ATAT1: variants seen among roughly 807,000 people sequenced by gnomAD.
ATAT1 encodes alpha-tubulin N-acetyltransferase 1.
In ATAT1, 42 loss-of-function variants were observed where a neutral mutation model predicts 57.2. The observed-to-expected ratio is 0.73, with a 90% CI of 0.57 to 0.95. The LOEUF is 0.95. ATAT1 is among the 40% of genes least tolerant of loss of function. ATAT1 has a pLI of 0.00. For missense variants in ATAT1, 454 were observed against 523.7 expected, an observed-to-expected ratio of 0.87 and a Z score of 1.30; for synonymous variants, 168 against 187.1, an observed-to-expected ratio of 0.90 and a Z score of 0.83.
intron 6 of ATAT1, among the ~76,000 whole-genome samples, chr6:30,637,759 C>T (rs994903941): frequency 6.6e-6 from 1 of 151,396 alleles, no homozygotes; most frequent in Non-Finnish European, 1.5e-5. Context: ...GGGCGGATCA[C>T]GAGGTCAAGA....
rs1255424345 is a variant in ATAT1, at chr6:30,639,498, A to G, written c.502-879A>G. Among the ~76,000 whole-genome samples the G allele has an allele frequency of 4.3e-5, 6 of 140,908 alleles. No individual in the cohort carries two copies. The Admixed American group carries it at 4.4e-4, about 10-fold the overall frequency. The allele number at this position is 140,908 out of a possible 152,430, so 92.4% of individuals were successfully genotyped here. ...TTCTTTCTTTTTTTTTTTTTTTGAG[A>G]CGGAGTCTTGCTCCATCGCCCAGGC... On this transcript the variant is annotated intron_variant, in intron 6 of 12. Coordinates refer to ENST00000330083, the MANE Select transcript of ATAT1 (RefSeq NM_001031722.4).
chr6:30,640,763 A>C lies in ATAT1; in HGVS notation c.616+160A>C, dbSNP rs1765244388. On this transcript the variant is annotated intron_variant, in intron 8 of 12. Coordinates refer to ENST00000330083, the MANE Select transcript of ATAT1 (RefSeq NM_001031722.4). ...TTTGCCTTTGCCCTCATGGGAGCTC[A>C]GTGCATTTTATATTTGGCAAGACTT... 5 of 739,588 alleles carry C rather than the reference A, an allele frequency of 6.8e-6. No homozygotes were observed. In the Admixed American group the frequency reaches 1.1e-4, roughly 17 times the overall value. The allele number at this position is 739,588 out of a possible 1,614,324, so 45.8% of individuals were successfully genotyped here. A position where few individuals can be genotyped will look rare whatever the true frequency, so the allele number is the denominator to read the frequency against.
At chr6:30,637,558 C>T (rs1015296621) in intron 6 of ATAT1, among the ~76,000 whole-genome samples, 7 of 151,868 alleles carry the variant, frequency 4.6e-5, no homozygotes, top group Non-Finnish European at 7.4e-5. Flanking sequence ...TGGCATGTGC[C>T]TGTAATCCCA....
intron 10 of ATAT1, chr6:30,643,235 A>G: frequency 7.0e-7 from 1 of 1,420,080 alleles, no homozygotes; most frequent in Non-Finnish European, 9.2e-7. Context: ...CCTGGCTTTA[A>G]TGTGAGAGTT....
chr6:30,627,170 T>C lies in ATAT1; in HGVS notation c.-34T>C, dbSNP rs771953929. 6.2e-7 allele frequency: 1 copy of C among 1,613,368 alleles called. No homozygotes were observed. Among genetic ancestry groups the C allele is most frequent in the South Asian group, 1.1e-5 (1 of 90,976 alleles). ...TTGATCAGCGCTTGGATCTGTGACCTTTCACCCCGGGCCCAAAATGTCCCA... is the reference window on the plus strand; with the variant it reads ...TTGATCAGCGCTTGGATCTGTGACCCTTCACCCCGGGCCCAAAATGTCCCA... On this transcript the variant is annotated 5_prime_UTR_variant, in exon 1 of 13. Coordinates refer to ENST00000330083, the MANE Select transcript of ATAT1 (RefSeq NM_001031722.4).
At chr6:30,642,387 A>C in intron 9 of ATAT1, 140 bp downstream of exon 9, 4 of 1,222,946 alleles carry the variant, frequency 3.3e-6, no homozygotes, top group Non-Finnish European at 4.6e-6. Context: ...TCATGCCTGT[A>C]ATCCCAGCAC....
Position 30,642,833 on chromosome 6 carries a change from G to GGGGGGGGCGCC in ATAT1, c.754_755insGGGGGGGCGCC (p.Ala252GlyfsTer71). 14 of 1,537,844 alleles carry GGGGGGGGCGCC rather than the reference G, an allele frequency of 9.1e-6. No individual in the cohort carries two copies. Among genetic ancestry groups the GGGGGGGGCGCC allele is most frequent in the Non-Finnish European group, 1.1e-5 (13 of 1,145,756 alleles). On this transcript the variant is annotated frameshift_variant, in exon 10 of 13. Coordinates refer to ENST00000330083, the MANE Select transcript of ATAT1 (RefSeq NM_001031722.4). LOFTEE classifies it high-confidence loss of function. The stretch of plus-strand genomic sequence containing the variant: ...GGCCCCTCGCCGCGCCACACCTCCA[G>GGGGGGGGCGCC]CCCACCCACCCCCCCGCTCCAGCAG...
chr6:30,636,188 AT>A (rs1161088927), intron 6 of ATAT1, among the ~76,000 whole-genome samples: 3 of 152,182 alleles, frequency 2.0e-5, no homozygotes, highest in Non-Finnish European at 4.4e-5. Flanking sequence ...GTAAAGAAAG[AT>A]GACATGTCTA....
At chr6:30,635,798 G>T (rs1470938667) in intron 6 of ATAT1, among the ~76,000 whole-genome samples, 5 of 152,102 alleles carry the variant, frequency 3.3e-5, no homozygotes, top group Admixed American at 6.6e-5. Context: ...TTGGAAGCCT[G>T]GATGCAGTGG....
intron 6 of ATAT1, among the ~76,000 whole-genome samples, chr6:30,638,036 G>C (rs1452779373): frequency 6.6e-6 from 1 of 152,036 alleles, no homozygotes; most frequent in Non-Finnish European, 1.5e-5. Flanking sequence ...CACCACTATG[G>C]CTGGCTGATT....
At position 30,646,638 on chromosome 6, in the gene ATAT1, T is replaced by A. The variant is rs1455464057; in HGVS notation, c.1225T>A (p.Trp409Arg). ...GCAGGAACGTCGCAGCACCAGGCCT[T>A]GGTGACCGCAGCCCCGTCAAACATC... The change falls in exon 13 of 13, where the codon TGG becomes AGG. Residue 409 changes from tryptophan to arginine, a missense_variant. Physicochemically the swap from Trp to Arg is moderately radical, Grantham distance 101 (BLOSUM62 -3). Around this residue, in one of 3 missense-constraint regions of ATAT1, gnomAD observed 216 missense variants for 222.2 expected, o/e 0.97. Transcript: ENST00000330083. 6.4e-6 allele frequency: 10 copies of A among 1,560,034 alleles called. No homozygotes were observed. Among genetic ancestry groups the A allele is most frequent in the Non-Finnish European group, 7.8e-6 (9 of 1,151,882 alleles).
rs776904657 is a variant in ATAT1 at position 30,642,845 on chromosome 6, C to A, written c.766C>A (p.Pro256Thr). 7.0e-6 allele frequency: 11 copies of A among 1,564,602 alleles called. No individual in the cohort carries two copies. Among genetic ancestry groups the A allele is most frequent in the African/African-American group, 5.6e-5 (4 of 72,046 alleles). ...CGCCACACCTCCAGCCCACCCACCCCCCCGCTCCAGCAGCCTGGGAAACTC... is the reference window on the plus strand; with the variant it reads ...CGCCACACCTCCAGCCCACCCACCCACCCGCTCCAGCAGCCTGGGAAACTC... Residue 256 changes from proline to threonine, a missense_variant, in exon 10 of 13, where the codon CCC (proline) becomes ACC (threonine). Physicochemically the swap from Pro to Thr is conservative, Grantham distance 38. Coordinates refer to ENST00000330083, the MANE Select transcript of ATAT1 (RefSeq NM_001031722.4).
At chr6:30,641,160 G>A (rs1238799605) in intron 8 of ATAT1, among the ~76,000 whole-genome samples, 5 of 151,166 alleles carry the variant, frequency 3.3e-5, no homozygotes, top group African/African-American at 1.2e-4. Context: ...GACAGTCTGA[G>A]CCCCACTCCT....
At chr6:30,635,365 G>A (rs1372385993) in intron 6 of ATAT1, among the ~76,000 whole-genome samples, 3 of 152,052 alleles carry the variant, frequency 2.0e-5, no homozygotes, top group African/African-American at 4.8e-5. Context: ...TTGGGAGGCC[G>A]AGTCGGGTGG....
chr6:30,638,776 C>CA (rs1764723616), intron 6 of ATAT1, among the ~76,000 whole-genome samples: 1 of 152,204 alleles, frequency 6.6e-6, no homozygotes, highest in South Asian at 2.1e-4. Flanking sequence ...TGGCATTGGC[C>CA]AAGCGAAGCC....
chr6:30,627,499 A>G lies in ATAT1; in HGVS notation c.111A>G (p.Glu37=). 1.9e-6 allele frequency: 3 copies of G among 1,613,398 alleles called. No homozygotes were observed. The highest frequency in any genetic ancestry group is 2.5e-6 in the Non-Finnish European group (3 of 1,179,844). Reference sequence around the variant, plus strand: ...AGCAAATTATGACCATTATAGATGAACTGGGCAAGGCTTCTGCCAAGGTAC... The same window carrying G: ...AGCAAATTATGACCATTATAGATGAGCTGGGCAAGGCTTCTGCCAAGGTAC... The change falls in exon 2 of 13, where the codon GAA becomes GAG. Residue 37 remains glutamate (E), a synonymous_variant. Coordinates refer to ENST00000330083, the MANE Select transcript of ATAT1 (RefSeq NM_001031722.4).
At chr6:30,632,224 G>T (rs1490393532) in intron 6 of ATAT1, among the ~76,000 whole-genome samples, 1 of 142,722 alleles carries the variant, frequency 7.0e-6, no homozygotes, top group Non-Finnish European at 1.5e-5. Context: ...CGCTGAAATT[G>T]TACCACTGCA....
chr6:30,642,833 G>GGGGGGGGGGGGCCCCCCCCCCCCCC lies in ATAT1; in HGVS notation c.754_755insGGGGGGGGGGGCCCCCCCCCCCCCC (p.Ala252GlyfsTer56). 2 of 1,537,874 alleles carry GGGGGGGGGGGGCCCCCCCCCCCCCC rather than the reference G, an allele frequency of 1.3e-6. No homozygotes were observed. Among genetic ancestry groups the GGGGGGGGGGGGCCCCCCCCCCCCCC allele is most frequent in the Non-Finnish European group, 1.7e-6 (2 of 1,145,782 alleles). The stretch of plus-strand genomic sequence containing the variant: ...GGCCCCTCGCCGCGCCACACCTCCA[G>GGGGGGGGGGGGCCCCCCCCCCCCCC]CCCACCCACCCCCCCGCTCCAGCAG... On this transcript the variant is annotated frameshift_variant, in exon 10 of 13. Transcript: ENST00000330083. LOFTEE classifies it high-confidence loss of function.
At position 30,627,874 on chromosome 6, in the gene ATAT1, G is replaced by T; in HGVS notation, c.248G>T (p.Gly83Val). 1 of 1,613,002 alleles carries T rather than the reference G, an allele frequency of 6.2e-7. No individual in the cohort carries two copies. The highest frequency in any genetic ancestry group is 8.5e-7 in the Non-Finnish European group (1 of 1,180,016). The stretch of plus-strand genomic sequence containing the variant: ...AGGGCTGGAAAAGGAGCCATTATTG[G>T]TTTCATCAAAGTTGGATACAAGAAG... The change falls in exon 4 of 13, where the codon GGT becomes GTT. Residue 83 changes from glycine to valine, a missense_variant. Gly to Val is a moderately radical substitution (Grantham distance 109). This residue lies in a region of ATAT1 where 236 missense variants were observed against 284.5 expected (regional missense o/e 0.83). Coordinates refer to ENST00000330083, the MANE Select transcript of ATAT1 (RefSeq NM_001031722.4).
Sources: allele counts gnomAD v4.1 joint callset (sites outside exome capture counted in the v4.1 genomes callset), GRCh38; gene constraint gnomAD v4.1.1; regional missense constraint gnomAD v4.1.1; transcripts MANE v1.5; gene names NCBI Gene and HGNC (gene_info 2026-07-23, HGNC 2026-07-21).